The following TNS1 variants were observed in gnomAD, a reference collection of about 807,000 sequenced individuals.
The protein encoded by TNS1 is tensin 1, also known as tensin-1.
Under a neutral mutation model 168.6 loss-of-function variants are expected in TNS1, and 62 were observed. The observed-to-expected ratio is 0.37, with a 90% CI of 0.30 to 0.45. TNS1 has a LOEUF of 0.45. Among genes scored for constraint, TNS1 ranks in the 20% least tolerant of loss-of-function variants. The probability of loss-of-function intolerance (pLI) is 1.00; values close to 1 mark genes in which losing one functional copy is unlikely to be tolerated. For synonymous variants in TNS1, 934 were observed against 933.2 expected, an observed-to-expected ratio of 1.00 and a Z score of -0.02; for missense variants, 2,240 against 2,339.4, an observed-to-expected ratio of 0.96 and a Z score of 0.88.
At chr2:217,897,649 G>A (rs866946096) in intron 8 of TNS1, 149 bp downstream of exon 8, 8 of 824,860 alleles carry the variant, frequency 9.7e-6, no homozygotes, top group South Asian at 7.5e-5. Context: ...ACTCAGGCAC[G>A]AGAGCTGCCT....
chr2:217,869,295 G>A lies in TNS1; in HGVS notation c.1429+11603C>T, dbSNP rs114568210. Reference sequence around the variant, plus strand: ...GGAGAGATTGGCCCCAAAGCCAGGCGAGGACAATGAGTGAAGAAGCTCAAC... The same window carrying A: ...GGAGAGATTGGCCCCAAAGCCAGGCAAGGACAATGAGTGAAGAAGCTCAAC... On this transcript the variant is annotated intron_variant, in intron 18 of 32. Transcript: ENST00000682258. 6.0e-3 allele frequency among the ~76,000 whole-genome samples: 921 copies of A among 152,310 alleles called. 13 individuals carry two copies. Among genetic ancestry groups the A allele is most frequent in the African/African-American group, 0.02 (819 of 41,564 alleles).
At position 217,920,126 on chromosome 2, in the gene TNS1, AAGCTGCAGCTGGG is replaced by A. The variant is rs953155923; in HGVS notation, c.228+56_228+68del. ...TTACCAACATATTTGGGTCTAAAGAAAGCTGCAGCTGGGAGCTGCGGAGGGAGAGGAGGCAGGG... is the reference window on the plus strand; with the variant it reads ...TTACCAACATATTTGGGTCTAAAGAAAGCTGCGGAGGGAGAGGAGGCAGGG... On this transcript the variant is annotated intron_variant, in intron 4 of 32. Transcript: ENST00000682258. The A allele has an allele frequency of 2.6e-5, 18 of 702,740 alleles. No homozygotes were observed. The Admixed American group carries it at 3.2e-4, about 12-fold the overall frequency. 43.5% of individuals were successfully genotyped at this position (702,740 alleles called of 1,614,324 possible). A position where few individuals can be genotyped will look rare whatever the true frequency, so the allele number is the denominator to read the frequency against.
intron 3 of TNS1, among the ~76,000 whole-genome samples, chr2:217,945,520 C>T (rs1215469592): frequency 1.3e-5 from 2 of 152,208 alleles, no homozygotes; most frequent in Non-Finnish European, 2.9e-5. Flanking sequence ...CACTCATCCT[C>T]TGCCTCCAGA....
At chr2:217,810,074 G>A in intron 29 of TNS1, 83 bp from the exon 30 acceptor site, 1 of 1,516,426 alleles carries the variant, frequency 6.6e-7, no homozygotes, top group Non-Finnish European at 9.0e-7. Context: ...CAGGGAGAAG[G>A]TAGCAGATAA....
In TNS1 at chr2:218,033,796, C is replaced by G. The variant is rs1019935541; in HGVS notation, c.156+24G>C. Among the ~76,000 whole-genome samples the G allele has an allele frequency of 2.0e-5, 3 of 152,214 alleles. No individual in the cohort carries two copies. Among genetic ancestry groups the G allele is most frequent in the African/African-American group, 7.2e-5 (3 of 41,462 alleles). On this transcript the variant is annotated intron_variant, in intron 1 of 1. Transcript: ENST00000649572. The surrounding 1 kb of genome is among the most constrained non-coding windows in gnomAD (Gnocchi z 4.3). The stretch of plus-strand genomic sequence containing the variant: ...CAGCTCCCGACTCGGGGCGTCGTCC[C>G]TCACCCATTCCCGCAGCCCCTACCT...
At chr2:217,857,226 C>CT (rs1361037875) in intron 18 of TNS1, among the ~76,000 whole-genome samples, 9 of 152,134 alleles carry the variant, frequency 5.9e-5, no homozygotes, top group Non-Finnish European at 1.3e-4. Context: ...GCCAAGAGAG[C>CT]TTTTTAAAAG....
Position 217,986,730 on chromosome 2 carries a change from TACACACAC to T in TNS1, c.148+4204_148+4211del, listed in dbSNP as rs60286055. On this transcript the variant is annotated intron_variant, in intron 2 of 32. Coordinates refer to ENST00000682258, the MANE Select transcript of TNS1 (RefSeq NM_001387777.1). This position sits in a 1 kb window ranked among gnomAD's most constrained non-coding sequence, Gnocchi z 4.7. The stretch of plus-strand genomic sequence containing the variant: ...ACTGAGTCAGAAACGGCCCTCCACA[TACACACAC>T]ACACACACACACACACACACACACG... The T allele has an allele frequency of 0.33, 48,906 of 147,668 alleles. 7,949 individuals are homozygous for T. Among genetic ancestry groups the T allele is most frequent in the South Asian group, 0.45 (2,101 of 4,654 alleles). 9.1% of individuals were successfully genotyped at this position (147,668 alleles called of 1,614,324 possible). A position where few individuals can be genotyped will look rare whatever the true frequency, so the allele number is the denominator to read the frequency against.
intron 3 of TNS1, among the ~76,000 whole-genome samples, chr2:217,928,384 C>T (rs898705877): frequency 5.9e-5 from 9 of 152,232 alleles, no homozygotes; most frequent in African/African-American, 1.7e-4. Flanking sequence ...TGGCCTTCAC[C>T]GGGGCTTGCT....
chr2:217,858,675 C>T, intron 18 of TNS1: 1 of 169,332 alleles, frequency 5.9e-6, no homozygotes, highest in Non-Finnish European at 1.1e-5. Context: ...CCCATGTACA[C>T]ACACACACAC....
intron 3 of TNS1, among the ~76,000 whole-genome samples, chr2:217,935,815 T>C (rs1206898629): frequency 6.6e-6 from 1 of 152,144 alleles, no homozygotes; most frequent in Non-Finnish European, 1.5e-5. Flanking sequence ...TTTCCTGCAT[T>C]TTACAGGTGA....
intron 3 of TNS1, among the ~76,000 whole-genome samples, chr2:217,951,423 A>G (rs1957238193): frequency 6.6e-6 from 1 of 152,178 alleles, no homozygotes; most frequent in Non-Finnish European, 1.5e-5. Flanking sequence ...GTGGGGATTA[A>G]CTCATTCTAA....
At chr2:217,808,466 C>T in intron 31 of TNS1, 137 bp downstream of exon 31, 1 of 887,458 alleles carries the variant, frequency 1.1e-6, no homozygotes, top group South Asian at 1.6e-5. Flanking sequence ...ATTACTCACA[C>T]ATGGGCAGAC....
intron 1 of TNS1, among the ~76,000 whole-genome samples, chr2:218,026,933 G>C (rs1021555029): frequency 4.6e-5 from 7 of 152,254 alleles, no homozygotes; most frequent in Non-Finnish European, 8.8e-5. Context: ...CACACGAGGT[G>C]AGCTCTTGGC....
upstream of TNS1, chr2:218,003,102 C>CA: frequency 2.7e-6 from 1 of 374,302 alleles, no homozygotes; most frequent in South Asian, 1.9e-5. Flanking sequence ...TCCCAGGCTC[C>CA]ACCGGTGGCC....
chr2:218,031,211 T>G (rs1958894063), intron 1 of TNS1, among the ~76,000 whole-genome samples: 1 of 148,158 alleles, frequency 6.7e-6, no homozygotes. Flanking sequence ...TGTGAGTGTG[T>G]CTGTGTGTAT....
intron 19 of TNS1, among the ~76,000 whole-genome samples, chr2:217,844,244 T>C (rs919431172): frequency 1.3e-5 from 2 of 152,154 alleles, no homozygotes; most frequent in Non-Finnish European, 2.9e-5. Flanking sequence ...CCACTTAGGC[T>C]ATCTAATAAG....
At chr2:217,998,937 G>A (rs1023663428) in intron 1 of TNS1, among the ~76,000 whole-genome samples, 1 of 152,156 alleles carries the variant, frequency 6.6e-6, no homozygotes, top group African/African-American at 2.4e-5. Flanking sequence ...TTGCAATCAT[G>A]TGCCAGTATG....
intron 2 of TNS1, among the ~76,000 whole-genome samples, chr2:217,987,887 T>C (rs946736472): frequency 6.6e-6 from 1 of 152,118 alleles, no homozygotes; most frequent in Non-Finnish European, 1.5e-5. Flanking sequence ...GGTGAATGGA[T>C]GGATGAGGGG....
At position 217,811,670 on chromosome 2, in the gene TNS1, G is replaced by A. The variant is rs181120190; in HGVS notation, c.5032+698C>T. Reference sequence around the variant, plus strand: ...GCCCTGTGTTGCTGAGGGCTGGGCAGTAGAGGCCTATGCTGGGAGGAGTTC... The same window carrying A: ...GCCCTGTGTTGCTGAGGGCTGGGCAATAGAGGCCTATGCTGGGAGGAGTTC... On this transcript the variant is annotated intron_variant, in intron 28 of 32. Coordinates refer to ENST00000682258, the MANE Select transcript of TNS1 (RefSeq NM_001387777.1). Among the ~76,000 whole-genome samples the A allele has an allele frequency of 4.7e-3, 715 of 152,308 alleles. 2 individuals are homozygous for A. The highest frequency in any genetic ancestry group is 0.011 in the South Asian group (51 of 4,816).
Sources: gnomAD v4.1 joint callset for allele counts (sites outside exome capture counted in the v4.1 genomes callset) on GRCh38, gnomAD v4.1.1 for gene constraint, Gnocchi (gnomAD v3.1) non-coding constraint, MANE v1.5 for transcripts, NCBI Gene and HGNC (gene_info 2026-07-23, HGNC 2026-07-21) for gene names.